Variants in TPTE observed in about 807,000 individuals in gnomAD.
TPTE encodes putative tyrosine-protein phosphatase TPTE.
Under a neutral mutation model 84.1 loss-of-function variants are expected in TPTE, and 59 were observed. That is an observed-to-expected ratio of 0.70 (90% CI 0.57 to 0.87). The LOEUF is 0.87. TPTE is among the 40% of genes least tolerant of loss of function. The pLI is 0.00. For synonymous variants in TPTE, 130 were observed against 223.5 expected (o/e 0.58, Z 3.73); for missense variants, 382 against 659.6 (o/e 0.58, Z 4.61).
At chr21:10,549,674 G>T (rs1220332962) in intron 7 of TPTE, among the ~76,000 whole-genome samples, 1 of 152,310 alleles carries the variant, frequency 6.6e-6, no homozygotes. Context: ...AATGAAAAAA[G>T]CCTACAGGAT....
In TPTE at chr21:10,603,610, A is replaced by G. The variant is rs1367238972; in HGVS notation, c.1498A>G (p.Thr500Ala). Reference sequence around the variant, plus strand: ...TTGCTCATTTTACTTCTGGTTGCACACATCTTTTATTGAAAATAACAGGTA... The same window carrying G: ...TTGCTCATTTTACTTCTGGTTGCACGCATCTTTTATTGAAAATAACAGGTA... ...DNCSFYFWLH[T>A]SFIENNRLYL... The change falls in exon 23 of 24, where the codon ACA (threonine) becomes GCA (alanine). Residue 500 changes from threonine (T) to alanine (A), a missense_variant. Thr to Ala is a moderately conservative substitution (Grantham distance 58). This residue lies in a region of TPTE where 120 missense variants were observed against 79.1 expected (regional missense o/e 1.52). Transcript: ENST00000618007. 5 of 1,612,330 alleles carry G rather than the reference A, an allele frequency of 3.1e-6. No homozygotes were observed. In the East Asian group the frequency reaches 6.7e-5, roughly 22 times the overall value.
At chr21:10,528,783 C>T (rs1360164189) in intron 3 of TPTE, among the ~76,000 whole-genome samples, 6 of 152,304 alleles carry the variant, frequency 3.9e-5, no homozygotes, top group Non-Finnish European at 2.9e-5. Context: ...TCCCTTTTAA[C>T]GTCTCCCCAA....
At chr21:10,596,515 C>T (rs1380265085) in intron 20 of TPTE, among the ~76,000 whole-genome samples, 1 of 152,036 alleles carries the variant, frequency 6.6e-6, no homozygotes, top group African/African-American at 2.4e-5. Context: ...TTCTCACCTT[C>T]TTTTAGAGGC....
chr21:10,529,777 G>T (rs1451903438), intron 3 of TPTE, among the ~76,000 whole-genome samples: 1 of 152,310 alleles, frequency 6.6e-6, no homozygotes, highest in Non-Finnish European at 1.5e-5. Context: ...CCATGTTGGG[G>T]GGAGATACTT....
chr21:10,559,872 TAAAAAAAAAAAAAAA>T (rs61583687), intron 9 of TPTE, among the ~76,000 whole-genome samples: 1 of 117,120 alleles, frequency 8.5e-6, no homozygotes, highest in African/African-American at 3.0e-5. Flanking sequence ...AGACTCCATG[TAAAAAAAAAAAAAAA>T]AAAAAAGAAA....
chr21:10,576,841 A>ACATATATGTATATATGTATGTATATATG, intron 14 of TPTE, among the ~76,000 whole-genome samples: 1 of 332 alleles, frequency 3.0e-3, no homozygotes, highest in Non-Finnish European at 5.6e-3. Context: ...ATATATACAT[A>ACATATATGTATATATGTATGTATATATG]TATATATATA....
chr21:10,572,899 TAA>T (rs56370439), intron 14 of TPTE, among the ~76,000 whole-genome samples: 2 of 149,292 alleles, frequency 1.3e-5, no homozygotes, highest in Admixed American at 6.7e-5. Context: ...CCACAAAGAT[TAA>T]AAAAAAAAGG....
At chr21:10,536,269 C>A (rs1284753947) in intron 3 of TPTE, among the ~76,000 whole-genome samples, 3 of 152,272 alleles carry the variant, frequency 2.0e-5, no homozygotes, top group Non-Finnish European at 4.4e-5. Context: ...GAGTGAGACT[C>A]CGCCTAAAAA....
intron 7 of TPTE, among the ~76,000 whole-genome samples, chr21:10,546,733 G>A (rs557553018): frequency 1.4e-4 from 21 of 152,416 alleles, no homozygotes; most frequent in East Asian, 3.8e-4. Context: ...AAGCCAAAGC[G>A]TAATCCAGGA....
intron 10 of TPTE, among the ~76,000 whole-genome samples, chr21:10,566,388 A>G (rs2074921590): frequency 6.6e-6 from 1 of 152,308 alleles, no homozygotes; most frequent in Non-Finnish European, 1.5e-5. Context: ...AGATAAGAGA[A>G]CCCTCATACA....
At chr21:10,553,507 G>A (rs916278733) in intron 8 of TPTE, among the ~76,000 whole-genome samples, 5 of 152,428 alleles carry the variant, frequency 3.3e-5, no homozygotes, top group South Asian at 2.1e-4. Flanking sequence ...TTAGCTATAC[G>A]TTTTCTGTAA....
chr21:10,563,335 T>C (rs149735443), intron 10 of TPTE, among the ~76,000 whole-genome samples: 74 of 152,374 alleles, frequency 4.9e-4, no homozygotes, highest in African/African-American at 1.7e-3. Context: ...CTGGTAATAG[T>C]AGGTATACAG....
chr21:10,555,036 C>T (rs1600893571), intron 8 of TPTE, among the ~76,000 whole-genome samples: 1 of 152,310 alleles, frequency 6.6e-6, no homozygotes, highest in African/African-American at 2.4e-5. Flanking sequence ...TAGCACCTGC[C>T]TTCAATACAA....
intron 22 of TPTE, among the ~76,000 whole-genome samples, chr21:10,602,403 A>AAC (rs1234815371): frequency 6.6e-6 from 1 of 152,302 alleles, no homozygotes; most frequent in Non-Finnish European, 1.5e-5. Context: ...ATACAAAATA[A>AAC]ACACACACAC....
intron 8 of TPTE, among the ~76,000 whole-genome samples, chr21:10,555,503 GC>G (rs1174522511): frequency 1.3e-5 from 2 of 152,312 alleles, no homozygotes; most frequent in Non-Finnish European, 2.9e-5. Context: ...ACCGCGCCTG[GC>G]CGCTATCTCT....
chr21:10,546,518 T>A (rs372133054), intron 7 of TPTE, among the ~76,000 whole-genome samples: 20 of 152,308 alleles, frequency 1.3e-4, no homozygotes, highest in East Asian at 9.6e-4. Flanking sequence ...AGGCTAGACT[T>A]CTTGCACCAC....
chr21:10,566,525 A>C (rs1460680633), intron 10 of TPTE, among the ~76,000 whole-genome samples: 1 of 152,310 alleles, frequency 6.6e-6, no homozygotes, highest in Non-Finnish European at 1.5e-5. Flanking sequence ...ACAAAAAAGG[A>C]AATCACTATA....
At chr21:10,565,748 A>G (rs535979879) in intron 10 of TPTE, among the ~76,000 whole-genome samples, 1 of 152,422 alleles carries the variant, frequency 6.6e-6, no homozygotes, top group Admixed American at 6.5e-5. Context: ...CCAAGAACGT[A>G]CATTGAACAA....
chr21:10,539,869 T>A (rs1279944732), intron 4 of TPTE, among the ~76,000 whole-genome samples: 3 of 152,294 alleles, frequency 2.0e-5, no homozygotes, highest in African/African-American at 7.2e-5. Context: ...ATTAACCGGG[T>A]GTGGTGGCAG....
Sources: allele counts gnomAD v4.1 joint callset (sites outside exome capture counted in the v4.1 genomes callset), GRCh38; gene constraint gnomAD v4.1.1; regional missense constraint gnomAD v4.1.1; transcripts MANE v1.5; gene names NCBI Gene and HGNC (gene_info 2026-07-23, HGNC 2026-07-21).